STX8: variants seen among roughly 807,000 people sequenced by gnomAD.
STX8 encodes syntaxin 8, also known as syntaxin-8.
STX8 carries 23 observed loss-of-function variants against 37.5 expected under a neutral mutation model. The ratio of observed to expected loss-of-function variants is 0.61; its 90% CI spans 0.44 to 0.87. STX8 has a LOEUF of 0.87. STX8 is among the 40% of genes least tolerant of loss of function. The pLI is 0.00. For missense variants in STX8, 313 were observed against 284.7 expected, an observed-to-expected ratio of 1.10 and a Z score of -0.71; for synonymous variants, 115 against 99.1, an observed-to-expected ratio of 1.16 and a Z score of -0.95.
intron 6 of STX8, among the ~76,000 whole-genome samples, chr17:9,448,140 A>G (rs1597678598): frequency 6.8e-6 from 1 of 147,472 alleles, no homozygotes; most frequent in Non-Finnish European, 1.5e-5. Flanking sequence ...GTGCCATTGC[A>G]CTCCAGCCTG....
chr17:9,338,231 T>G (rs182968456), intron 7 of STX8, among the ~76,000 whole-genome samples: 81 of 152,018 alleles, frequency 5.3e-4, no homozygotes, highest in African/African-American at 1.8e-3. Flanking sequence ...CTTGTGTATT[T>G]TTAGTAGAGA....
chr17:9,516,437 T>C (rs1175434560), intron 4 of STX8, among the ~76,000 whole-genome samples: 1 of 149,588 alleles, frequency 6.7e-6, no homozygotes, highest in Non-Finnish European at 1.5e-5. Context: ...ACCACAGACA[T>C]ATATAGAAAG....
chr17:9,426,241 C>G (rs1297303414), intron 6 of STX8, among the ~76,000 whole-genome samples: 1 of 151,936 alleles, frequency 6.6e-6, no homozygotes, highest in Non-Finnish European at 1.5e-5. Context: ...CAAGACCTGC[C>G]CAAGGCCAGG....
chr17:9,259,154 A>G (rs982570188), intron 7 of STX8, among the ~76,000 whole-genome samples: 5 of 152,170 alleles, frequency 3.3e-5, no homozygotes, highest in Admixed American at 2.6e-4. Context: ...ACACGTTGGG[A>G]AAGTTTAACT....
At chr17:9,410,982 T>C (rs947677441) in intron 6 of STX8, among the ~76,000 whole-genome samples, 1 of 152,208 alleles carries the variant, frequency 6.6e-6, no homozygotes, top group African/African-American at 2.4e-5. Flanking sequence ...AGGTGCTAAT[T>C]TGAACACTTA....
rs550886237 is a variant in STX8, at chr17:9,385,541, C to T, written c.542-6888G>A. The stretch of plus-strand genomic sequence containing the variant: ...TTACAGAAGAAGATATACAAATGGC[C>T]AATAAACACATGAAAAACAGCTCAA... On this transcript the variant is annotated intron_variant, in intron 6 of 7. Transcript: ENST00000306357. 1.1e-4 allele frequency among the ~76,000 whole-genome samples: 16 copies of T among 152,048 alleles called. No homozygotes were observed. The South Asian group carries it at 3.1e-3, about 30-fold the overall frequency.
chr17:9,281,784 A>T (rs1907893734), intron 7 of STX8, among the ~76,000 whole-genome samples: 2 of 152,126 alleles, frequency 1.3e-5, no homozygotes. Flanking sequence ...AAATACAAAA[A>T]TCAGCCAGGT....
chr17:9,357,657 T>C (rs191222242), intron 7 of STX8, among the ~76,000 whole-genome samples: 11 of 152,096 alleles, frequency 7.2e-5, no homozygotes, highest in Admixed American at 5.2e-4. Flanking sequence ...GATCATGTCA[T>C]TTCATTCCAG....
chr17:9,366,918 G>A (rs1911247035), intron 7 of STX8, among the ~76,000 whole-genome samples: 1 of 152,196 alleles, frequency 6.6e-6, no homozygotes, highest in South Asian at 2.1e-4. Flanking sequence ...CAAGGAAGAA[G>A]AGCTATTTCT....
chr17:9,367,753 C>T (rs1164178097), intron 7 of STX8, among the ~76,000 whole-genome samples: 2 of 152,090 alleles, frequency 1.3e-5, no homozygotes, highest in Non-Finnish European at 2.9e-5. Context: ...GTTGTTGAGA[C>T]ACAGTCTTGC....
chr17:9,253,204 A>AGG (rs770999814), intron 7 of STX8, among the ~76,000 whole-genome samples: 10 of 53,216 alleles, frequency 1.9e-4, no homozygotes, highest in African/African-American at 2.8e-4. Context: ...AGGCAGGGGT[A>AGG]GGGGTGTGTG....
chr17:9,370,147 G>A (rs183823317), intron 7 of STX8, among the ~76,000 whole-genome samples: 7 of 151,704 alleles, frequency 4.6e-5, no homozygotes, highest in Admixed American at 2.6e-4. Flanking sequence ...CTCAGGAGGC[G>A]GAGGTTGCAG....
intron 7 of STX8, among the ~76,000 whole-genome samples, chr17:9,307,315 T>C (rs977408034): frequency 1.3e-5 from 2 of 152,186 alleles, no homozygotes; most frequent in Admixed American, 6.5e-5. Flanking sequence ...ACTGCCTCCC[T>C]GGCCAGTTTC....
intron 7 of STX8, among the ~76,000 whole-genome samples, chr17:9,359,854 G>A (rs570382177): frequency 6.6e-6 from 1 of 152,064 alleles, no homozygotes; most frequent in East Asian, 1.9e-4. Flanking sequence ...TTTCAGGGAA[G>A]GGATCAAAGG....
rs558856663 is a variant in STX8, at chr17:9,441,842, A to AT, written c.541+49986dup. On this transcript the variant is annotated intron_variant, in intron 6 of 7. Coordinates refer to ENST00000306357, the MANE Select transcript of STX8 (RefSeq NM_004853.3). ...AGGCGCCCACCACCACGCCCGGCTA[A>AT]TTTTTTGTATTTTTAGTAGAGACGG... Among the ~76,000 whole-genome samples the AT allele has an allele frequency of 5.4e-3, 819 of 151,634 alleles. 5 individuals are homozygous for AT. Among genetic ancestry groups the AT allele is most frequent in the African/African-American group, 0.019 (780 of 41,364 alleles).
At chr17:9,521,944 C>T (rs971388101) in intron 4 of STX8, among the ~76,000 whole-genome samples, 1 of 152,044 alleles carries the variant, frequency 6.6e-6, no homozygotes, top group Non-Finnish European at 1.5e-5. Flanking sequence ...TCATTGCTTG[C>T]CAAATTTACC....
At chr17:9,340,818 T>C (rs1384157681) in intron 7 of STX8, among the ~76,000 whole-genome samples, 3 of 150,652 alleles carry the variant, frequency 2.0e-5, no homozygotes, top group Non-Finnish European at 4.4e-5. Context: ...CGACTATGCC[T>C]GGCTAATTTT....
At chr17:9,313,199 GAAAT>G (rs1423884148) in intron 7 of STX8, among the ~76,000 whole-genome samples, 8 of 152,036 alleles carry the variant, frequency 5.3e-5, no homozygotes, top group East Asian at 3.9e-4. Flanking sequence ...CTAAAAAAAA[GAAAT>G]AAATAAAAAT....
intron 7 of STX8, among the ~76,000 whole-genome samples, chr17:9,275,622 C>T (rs923666076): frequency 3.3e-5 from 5 of 152,176 alleles, no homozygotes; most frequent in African/African-American, 1.2e-4. Flanking sequence ...GTGATCCCAG[C>T]ACTTTGAGAG....
Sources: gnomAD v4.1 joint callset for allele counts (sites outside exome capture counted in the v4.1 genomes callset) on GRCh38, gnomAD v4.1.1 for gene constraint, MANE v1.5 for transcripts, NCBI Gene and HGNC (gene_info 2026-07-23, HGNC 2026-07-21) for gene names.